ZFP1: variants seen among roughly 807,000 people sequenced by gnomAD.
The protein encoded by ZFP1 is ZFP1 zinc finger protein.
Under a neutral mutation model 38.5 loss-of-function variants are expected in ZFP1, and 32 were observed. The ratio of observed to expected loss-of-function variants is 0.83; its 90% CI spans 0.63 to 1.12. The LOEUF is 1.12. Among genes scored for constraint, ZFP1 ranks in the 50% most tolerant of loss-of-function variants. ZFP1 has a pLI of 0.00. For missense variants in ZFP1, 616 were observed against 480.8 expected (o/e 1.28, Z -2.63); for synonymous variants, 245 against 168.8 (o/e 1.45, Z -3.50).
chr16:75,155,734 C>A (rs2037439082), intron 2 of ZFP1, among the ~76,000 whole-genome samples: 1 of 152,180 alleles, frequency 6.6e-6, no homozygotes. Context: ...TAGCCACTAT[C>A]TTGACATTTT....
At chr16:75,119,317 G>A in the ZFP1 span, among the ~76,000 whole-genome samples, 1 of 152,114 alleles carries the variant, frequency 6.6e-6, no homozygotes, top group African/African-American at 2.4e-5. Context: ...AATTTGCTGA[G>A]GCCCGGAAGC....
chr16:75,130,697 G>A, the ZFP1 span, among the ~76,000 whole-genome samples: 15 of 152,104 alleles, frequency 9.9e-5, no homozygotes, highest in Admixed American at 6.6e-5. Flanking sequence ...ATCACCTGAG[G>A]GTGGCCTGAC....
chr16:75,163,048 T>G (rs2145556460), intron 2 of ZFP1, among the ~76,000 whole-genome samples: 1 of 152,122 alleles, frequency 6.6e-6, no homozygotes, highest in South Asian at 2.1e-4. Flanking sequence ...TAGCTGGGAT[T>G]ACATGCGCCC....
chr16:75,143,415 TG>T, the ZFP1 span, among the ~76,000 whole-genome samples: 1 of 151,880 alleles, frequency 6.6e-6, no homozygotes, highest in African/African-American at 2.4e-5. Flanking sequence ...CTAATTTTTT[TG>T]TGTGTTTTTA....
At chr16:75,131,893 A>G in the ZFP1 span, among the ~76,000 whole-genome samples, 1 of 151,720 alleles carries the variant, frequency 6.6e-6, no homozygotes, top group Admixed American at 6.6e-5. Context: ...TGAACCCAGG[A>G]GGTGGAGGTT....
chr16:75,125,498 T>G, the ZFP1 span, among the ~76,000 whole-genome samples: 2 of 151,910 alleles, frequency 1.3e-5, no homozygotes, highest in African/African-American at 2.4e-5. Context: ...AATTTTGTAT[T>G]TTTTTAGTAG....
At chr16:75,133,143 A>G in the ZFP1 span, among the ~76,000 whole-genome samples, 2 of 148,264 alleles carry the variant, frequency 1.3e-5, no homozygotes, top group African/African-American at 5.0e-5. Flanking sequence ...ACGCCCAGCT[A>G]ATTTTGTATT....
chr16:75,157,160 G>A (rs1020896379), intron 2 of ZFP1: 1 of 150,142 alleles, frequency 6.7e-6, no homozygotes, highest in African/African-American at 2.5e-5. Context: ...GATTACTGTT[G>A]TTTTATTGAA....
rs1171820112 is a variant in ZFP1, at chr16:75,170,103, A to G, written c.993A>G (p.Lys331=). 9 of 1,614,010 alleles carry G rather than the reference A, an allele frequency of 5.6e-6. No homozygotes were observed. Among genetic ancestry groups the G allele is most frequent in the Non-Finnish European group, 7.6e-6 (9 of 1,179,932 alleles). ...GCTATGAGTGCAGTGAATGTGGAAA[A>G]TCCTTTATCCAGAACTCACAGCTCA... ...EKRYECSECG[K]SFIQNSQLII... is the part of the protein sequence containing the mutation. The change falls in exon 4 of 4, where the codon AAA becomes AAG. Residue 331 remains lysine, a synonymous_variant. Transcript: ENST00000570010.
chr16:75,135,280 C>T, the ZFP1 span, among the ~76,000 whole-genome samples: 16 of 133,942 alleles, frequency 1.2e-4, no homozygotes, highest in African/African-American at 3.8e-4. Context: ...TACAGTGGAA[C>T]GTTAATCAGC....
At chr16:75,141,506 A>G in the ZFP1 span, among the ~76,000 whole-genome samples, 3 of 151,560 alleles carry the variant, frequency 2.0e-5, no homozygotes, top group South Asian at 2.1e-4. Flanking sequence ...CGCCCAGCCC[A>G]AATTGGGTCA....
the ZFP1 span, among the ~76,000 whole-genome samples, chr16:75,130,280 C>G: frequency 6.6e-6 from 1 of 152,152 alleles, no homozygotes; most frequent in Non-Finnish European, 1.5e-5. Flanking sequence ...GGATTACAGA[C>G]ATGAGCCACC....
At chr16:75,130,491 TAGA>T in the ZFP1 span, among the ~76,000 whole-genome samples, 1 of 152,324 alleles carries the variant, frequency 6.6e-6, no homozygotes, top group Non-Finnish European at 1.5e-5. Context: ...TGAATGTTCC[TAGA>T]AGGTCATATA....
chr16:75,161,769 TA>T (rs1567532995), intron 2 of ZFP1, among the ~76,000 whole-genome samples: 15 of 26,946 alleles, frequency 5.6e-4, no homozygotes, highest in African/African-American at 2.1e-3. Flanking sequence ...TATATATATA[TA>T]TATATTTTTT....
chr16:75,165,597 C>T (rs1020652112), intron 2 of ZFP1, among the ~76,000 whole-genome samples: 1 of 152,048 alleles, frequency 6.6e-6, no homozygotes, highest in Non-Finnish European at 1.5e-5. Context: ...GTTTCACCAT[C>T]TTTGCCAGGT....
the ZFP1 span, among the ~76,000 whole-genome samples, chr16:75,127,478 G>A: frequency 6.6e-6 from 1 of 152,106 alleles, no homozygotes; most frequent in Admixed American, 6.5e-5. Flanking sequence ...GTACCACCAC[G>A]CCTGGCTAAT....
chr16:75,137,461 CTTTTTT>C, the ZFP1 span, among the ~76,000 whole-genome samples: 4 of 89,414 alleles, frequency 4.5e-5, no homozygotes, highest in Non-Finnish European at 8.0e-5. Context: ...AAAAAAAATT[CTTTTTT>C]TTTTTTTTTT....
the ZFP1 span, among the ~76,000 whole-genome samples, chr16:75,130,326 C>T: frequency 1.1e-4 from 16 of 152,008 alleles, no homozygotes; most frequent in Non-Finnish European, 1.5e-4. Context: ...TATGGTGGCA[C>T]GCTTCTGGGG....
At chr16:75,128,559 C>G in the ZFP1 span, among the ~76,000 whole-genome samples, 1 of 152,282 alleles carries the variant, frequency 6.6e-6, no homozygotes, top group African/African-American at 2.4e-5. Flanking sequence ...TTTTTCAATT[C>G]TTATTATTAT....
Sources: allele counts gnomAD v4.1 joint callset (sites outside exome capture counted in the v4.1 genomes callset), GRCh38; gene constraint gnomAD v4.1.1; transcripts MANE v1.5; gene names NCBI Gene and HGNC (gene_info 2026-07-23, HGNC 2026-07-21).